ARMH3: variants seen among roughly 807,000 people sequenced by gnomAD.
ARMH3 encodes the protein armadillo like helical domain containing 3, also known as armadillo-like helical domain-containing protein 3.
Under a neutral mutation model 99.1 loss-of-function variants are expected in ARMH3, and 60 were observed. The ratio of observed to expected loss-of-function variants is 0.61; its 90% confidence interval spans 0.49 to 0.75. The LOEUF (loss-of-function observed/expected upper bound fraction) is 0.75, where lower values mean the gene tolerates loss of function less well. Among genes scored for constraint, ARMH3 ranks in the 30% least tolerant of loss-of-function variants. The probability of loss-of-function intolerance (pLI) is 0.00; values close to 1 mark genes in which losing one functional copy is unlikely to be tolerated. For synonymous variants in ARMH3, 285 were observed against 292.8 expected, an observed-to-expected ratio of 0.97 and a Z score of 0.27; for missense variants, 679 against 843.1, an observed-to-expected ratio of 0.81 and a Z score of 2.41.
chr10:101,897,658 G>A (rs1049247318), intron 23 of ARMH3, among the ~76,000 whole-genome samples: 4 of 151,990 alleles, frequency 2.6e-5, no homozygotes, highest in Non-Finnish European at 5.9e-5. Context: ...TCTGATACGG[G>A]GCCTCTAAAG....
intron 10 of ARMH3, among the ~76,000 whole-genome samples, chr10:102,012,585 A>G (rs1220074560): frequency 6.6e-6 from 1 of 152,194 alleles, no homozygotes; most frequent in Non-Finnish European, 1.5e-5. Context: ...TAAAATACCA[A>G]AAGTTGCAAA....
At chr10:101,873,993 T>G (rs2067198584) in intron 24 of ARMH3, among the ~76,000 whole-genome samples, 1 of 152,144 alleles carries the variant, frequency 6.6e-6, no homozygotes, top group Non-Finnish European at 1.5e-5. Flanking sequence ...TTCTCTTGAG[T>G]AAACACCCAA....
chr10:101,892,095 T>G (rs1564726603), intron 23 of ARMH3, among the ~76,000 whole-genome samples: 1 of 151,516 alleles, frequency 6.6e-6, no homozygotes, highest in Non-Finnish European at 1.5e-5. Flanking sequence ...CTGGGTGACA[T>G]AGTGAAACCC....
At chr10:101,876,584 C>T (rs182397124) in intron 24 of ARMH3, among the ~76,000 whole-genome samples, 15 of 152,274 alleles carry the variant, frequency 9.9e-5, no homozygotes, top group Admixed American at 2.0e-4. Flanking sequence ...AGTCAAAATG[C>T]TGTTATGGTA....
chr10:101,924,449 C>T (rs1483834181), intron 23 of ARMH3, among the ~76,000 whole-genome samples: 1 of 150,986 alleles, frequency 6.6e-6, no homozygotes, highest in Non-Finnish European at 1.5e-5. Context: ...GCAAGCTCCG[C>T]CTCCCAGGTT....
chr10:101,873,513 A>G (rs1453739241), intron 24 of ARMH3, among the ~76,000 whole-genome samples: 6 of 152,206 alleles, frequency 3.9e-5, no homozygotes, highest in African/African-American at 1.4e-4. Context: ...TATAAAATTC[A>G]TTCGCTTAAA....
At chr10:101,917,770 C>A (rs143169596) in intron 23 of ARMH3, among the ~76,000 whole-genome samples, 1 of 152,318 alleles carries the variant, frequency 6.6e-6, no homozygotes, top group East Asian at 1.9e-4. Flanking sequence ...GTATAGGAAA[C>A]ACCTCCAAAT....
At chr10:102,014,674 G>C (rs56407876) in intron 8 of ARMH3, among the ~76,000 whole-genome samples, 13,264 of 152,200 alleles carry the variant, frequency 0.087, 752 homozygotes, top group Middle Eastern at 0.22. Flanking sequence ...AATCTGGTCA[G>C]GACACTGGAA....
intron 13 of ARMH3, among the ~76,000 whole-genome samples, chr10:102,007,238 G>A (rs12356285): frequency 6.9e-6 from 1 of 145,126 alleles, no homozygotes; most frequent in Non-Finnish European, 1.5e-5. Flanking sequence ...ACTTGATTAC[G>A]ACTGATGCTT....
intron 22 of ARMH3, among the ~76,000 whole-genome samples, chr10:101,945,193 T>TA (rs1844461048): frequency 6.6e-6 from 1 of 152,214 alleles, no homozygotes; most frequent in Non-Finnish European, 1.5e-5. Context: ...TATTTTCTCT[T>TA]ACAGCTTTGC....
chr10:101,854,151 A>T (rs754091189), intron 24 of ARMH3, among the ~76,000 whole-genome samples: 1 of 151,914 alleles, frequency 6.6e-6, no homozygotes, highest in South Asian at 2.1e-4. Flanking sequence ...TGGGAGTCCT[A>T]CTCTTGTTAT....
At chr10:102,017,744 A>C (rs2066781556) in intron 8 of ARMH3, among the ~76,000 whole-genome samples, 1 of 152,216 alleles carries the variant, frequency 6.6e-6, no homozygotes, top group South Asian at 2.1e-4. Context: ...TTTCATATTT[A>C]TTAGGAGCTC....
At chr10:101,941,034 G>T (rs1374814114) in intron 22 of ARMH3, among the ~76,000 whole-genome samples, 1 of 152,218 alleles carries the variant, frequency 6.6e-6, no homozygotes, top group Non-Finnish European at 1.5e-5. Context: ...TAGGTTATAT[G>T]TAATGTAGCA....
chr10:102,049,966 C>T (rs1489583338), intron 1 of ARMH3, among the ~76,000 whole-genome samples: 1 of 152,134 alleles, frequency 6.6e-6, no homozygotes, highest in East Asian at 1.9e-4. Flanking sequence ...ATCAGAATGT[C>T]CTGTTAGTGC....
intron 22 of ARMH3, among the ~76,000 whole-genome samples, chr10:101,940,819 T>C (rs1027449271): frequency 6.6e-6 from 1 of 152,098 alleles, no homozygotes; most frequent in African/African-American, 2.4e-5. Flanking sequence ...GGAAAGATAA[T>C]AGAAATATAG....
intron 8 of ARMH3, among the ~76,000 whole-genome samples, chr10:102,018,154 T>G (rs1384542889): frequency 6.6e-6 from 1 of 152,180 alleles, no homozygotes; most frequent in East Asian, 1.9e-4. Context: ...TGCTTCCTAC[T>G]CCTCAAAAGC....
rs2066932947 is a variant in ARMH3, at chr10:102,023,463, A to G, written c.669+14T>C. The G allele has an allele frequency of 2.5e-6, 4 of 1,606,712 alleles. No individual in the cohort carries two copies. The East Asian group carries it at 8.9e-5, about 36-fold the overall frequency. On this transcript the variant is annotated intron_variant, in intron 8 of 25. Coordinates refer to ENST00000370033, the MANE Select transcript of ARMH3 (RefSeq NM_024541.3). ...ATAGGCAGATAACAACTGTCCACTAAGGAGCCCAGTTACCTCATATTTTCT... is the reference window on the plus strand; with the variant it reads ...ATAGGCAGATAACAACTGTCCACTAGGGAGCCCAGTTACCTCATATTTTCT...
intron 24 of ARMH3, among the ~76,000 whole-genome samples, chr10:101,877,597 A>C (rs748361091): frequency 2.0e-5 from 3 of 152,118 alleles, no homozygotes; most frequent in Non-Finnish European, 2.9e-5. Context: ...TGGAGGTTGC[A>C]GTGAGCTGTG....
chr10:101,889,746 C>G (rs1306521381), intron 23 of ARMH3: 1 of 414,562 alleles, frequency 2.4e-6, no homozygotes, highest in East Asian at 4.0e-5. Flanking sequence ...CGGAAAAAAC[C>G]CAAAGCCAAA....
Sources: gnomAD v4.1 joint callset for allele counts (sites outside exome capture counted in the v4.1 genomes callset) on GRCh38, gnomAD v4.1.1 for gene constraint, MANE v1.5 for transcripts, NCBI Gene and HGNC (gene_info 2026-07-23, HGNC 2026-07-21) for gene names.